Variants in STXBP5L observed in about 807,000 individuals in gnomAD.
STXBP5L encodes the protein syntaxin binding protein 5L.
STXBP5L carries 65 observed loss-of-function variants against 144.5 expected under a neutral mutation model. The ratio of observed to expected loss-of-function variants is 0.45; its 90% confidence interval spans 0.37 to 0.55. STXBP5L has a LOEUF of 0.55. Ranked by LOEUF, STXBP5L falls within the 20% of genes least tolerant of loss-of-function variation. The pLI is 0.00. For synonymous variants in STXBP5L, 505 were observed against 469.6 expected, an observed-to-expected ratio of 1.08 and a Z score of -0.97; for missense variants, 1,298 against 1,405.5, an observed-to-expected ratio of 0.92 and a Z score of 1.22.
At chr3:121,003,707 T>C (rs1943990902) in intron 3 of STXBP5L, among the ~76,000 whole-genome samples, 1 of 152,224 alleles carries the variant, frequency 6.6e-6, no homozygotes, top group African/African-American at 2.4e-5. Context: ...GAGTCTTTAA[T>C]CCATCTTGAA....
intron 10 of STXBP5L, among the ~76,000 whole-genome samples, chr3:121,210,981 GC>G (rs1042264854): frequency 6.6e-6 from 1 of 152,154 alleles, no homozygotes; most frequent in African/African-American, 2.4e-5. Context: ...GTCATTGGTA[GC>G]TTGATGGGGA....
chr3:121,356,460 A>G (rs1358969920), intron 20 of STXBP5L, among the ~76,000 whole-genome samples: 1 of 152,260 alleles, frequency 6.6e-6, no homozygotes, highest in African/African-American at 2.4e-5. Context: ...CTGTGCTAGC[A>G]GTGAGCAAGG....
chr3:121,250,894 A>T, intron 15 of STXBP5L, 131 bp downstream of exon 15: 1 of 678,622 alleles, frequency 1.5e-6, no homozygotes, highest in Non-Finnish European at 2.5e-6. Context: ...GTGTTACAAA[A>T]ATCTATTACC....
chr3:121,348,994 T>G (rs1474400476), intron 20 of STXBP5L, among the ~76,000 whole-genome samples: 1 of 152,136 alleles, frequency 6.6e-6, no homozygotes, highest in African/African-American at 2.4e-5. Flanking sequence ...TCTTCCATTC[T>G]GTTAGCTTTT....
intron 19 of STXBP5L, among the ~76,000 whole-genome samples, chr3:121,315,900 G>A (rs991899906): frequency 7.3e-5 from 11 of 151,626 alleles, no homozygotes; most frequent in African/African-American, 2.2e-4. Flanking sequence ...TACTTGAGAG[G>A]CTGAGGCAGG....
intron 9 of STXBP5L, among the ~76,000 whole-genome samples, chr3:121,192,044 A>G (rs755559520): frequency 6.6e-6 from 1 of 152,150 alleles, no homozygotes; most frequent in Non-Finnish European, 1.5e-5. Flanking sequence ...ATGTATACAT[A>G]TGTAACAAAC....
chr3:121,294,249 C>T (rs2051560052), intron 19 of STXBP5L, among the ~76,000 whole-genome samples: 1 of 152,060 alleles, frequency 6.6e-6, no homozygotes, highest in Non-Finnish European at 1.5e-5. Context: ...AGGATAGATT[C>T]GGAAATCATT....
rs764992495 is a variant in STXBP5L, at chr3:121,257,340, G to A, written c.1832+7G>A. 4.4e-6 allele frequency: 7 copies of A among 1,585,010 alleles called. No homozygotes were observed. Among genetic ancestry groups the A allele is most frequent in the Non-Finnish European group, 6.0e-6 (7 of 1,166,200 alleles). ...ACAGTATTCCATGCCTCAAGTAAGA[G>A]TTTCTACCAAATTTTCAAACAATTT... On this transcript the variant is annotated splice_region_variant and intron_variant, in intron 17 of 26. Coordinates refer to ENST00000471454, the MANE Select transcript of STXBP5L (RefSeq NM_001308330.2).
rs879715916 is a variant in STXBP5L at position 121,314,378 on chromosome 3, G to A, written c.2111-4097G>A. ...AGGCCGAGGCTGGCGGATCACTCGC[G>A]GTTAGGAGCTGGAGACCAGCCCGGC... On this transcript the variant is annotated intron_variant, in intron 19 of 26. Coordinates refer to ENST00000471454, the MANE Select transcript of STXBP5L (RefSeq NM_001308330.2). 2.8e-4 allele frequency among the ~76,000 whole-genome samples: 37 copies of A among 133,948 alleles called. No individual in the cohort carries two copies. The East Asian group carries it at 5.2e-3, about 19-fold the overall frequency. 87.9% of individuals were successfully genotyped at this position (133,948 alleles called of 152,430 possible). A position where few individuals can be genotyped will look rare whatever the true frequency, so the allele number is the denominator to read the frequency against.
intron 22 of STXBP5L, among the ~76,000 whole-genome samples, chr3:121,389,919 G>GGATATCCTTGC (rs1334645045): frequency 6.6e-6 from 1 of 152,192 alleles, no homozygotes; most frequent in Non-Finnish European, 1.5e-5. Flanking sequence ...TTGCAGAGCT[G>GGATATCCTTGC]AGTTCAAGTC....
rs148434486 is a variant in STXBP5L, at chr3:120,977,169, T to A, written c.287+22132T>A. On this transcript the variant is annotated intron_variant, in intron 3 of 26. Coordinates refer to ENST00000471454, the MANE Select transcript of STXBP5L (RefSeq NM_001308330.2). ...GTGTTAAAGTCTCCCATTAATATTG[T>A]GTGGGAGTCTAAGTCTCTTTGTAGG... is the stretch of plus-strand genomic sequence containing the variant. Among the ~76,000 whole-genome samples the A allele has an allele frequency of 1.9e-4, 29 of 152,328 alleles. No homozygotes were observed. The East Asian group carries it at 5.6e-3, about 29-fold the overall frequency.
chr3:121,195,918 A>G (rs1168888291), intron 9 of STXBP5L, among the ~76,000 whole-genome samples: 1 of 152,172 alleles, frequency 6.6e-6, no homozygotes, highest in Non-Finnish European at 1.5e-5. Context: ...TTGCTCTGCA[A>G]ATGCTTTTTA....
At chr3:121,185,502 A>G (rs1401430347) in intron 9 of STXBP5L, among the ~76,000 whole-genome samples, 2 of 152,166 alleles carry the variant, frequency 1.3e-5, no homozygotes, top group Non-Finnish European at 2.9e-5. Flanking sequence ...ATCCAGTTTC[A>G]GCTTTCTACA....
In STXBP5L at chr3:121,004,824, A is replaced by G. The variant is rs1430679482; in HGVS notation, c.288-36876A>G. Among the ~76,000 whole-genome samples, 5 of 152,076 alleles carry G rather than the reference A, an allele frequency of 3.3e-5. No homozygotes were observed. In the East Asian group the frequency reaches 9.6e-4, roughly 29 times the overall value. On this transcript the variant is annotated intron_variant, in intron 3 of 26. Transcript: ENST00000471454. ...TTGAGATAATCATGTGGGTTTTGTC[A>G]TTGGTTTTATTTATATGCTGGATTA... is the stretch of plus-strand genomic sequence containing the variant.
intron 20 of STXBP5L, among the ~76,000 whole-genome samples, chr3:121,345,673 G>T (rs1203932016): frequency 6.6e-6 from 1 of 152,008 alleles, no homozygotes; most frequent in South Asian, 2.1e-4. Flanking sequence ...AGCATCTGTT[G>T]TTTCCTGACT....
At chr3:121,180,699 AC>A (rs2047107131) in intron 9 of STXBP5L, among the ~76,000 whole-genome samples, 1 of 152,074 alleles carries the variant, frequency 6.6e-6, no homozygotes, top group Admixed American at 6.5e-5. Context: ...ACATGGTGAA[AC>A]CCCGTCTCTA....
intron 15 of STXBP5L, among the ~76,000 whole-genome samples, chr3:121,251,008 A>G (rs532447676): frequency 2.0e-5 from 3 of 152,286 alleles, no homozygotes; most frequent in African/African-American, 4.8e-5. Flanking sequence ...CATTATATCT[A>G]CAAGAGGCAT....
chr3:121,037,426 T>C (rs1319004290), intron 3 of STXBP5L, among the ~76,000 whole-genome samples: 1 of 151,968 alleles, frequency 6.6e-6, no homozygotes, highest in East Asian at 1.9e-4. Flanking sequence ...TTTATTATCT[T>C]TTAAAGTTTT....
chr3:120,924,343 A>T (rs918751954), intron 2 of STXBP5L, among the ~76,000 whole-genome samples: 11 of 152,200 alleles, frequency 7.2e-5, no homozygotes, highest in African/African-American at 2.4e-4. Context: ...ACAGTTACTA[A>T]ATCTACAGGC....
Sources: allele counts gnomAD v4.1 joint callset (sites outside exome capture counted in the v4.1 genomes callset), GRCh38; gene constraint gnomAD v4.1.1; transcripts MANE v1.5; gene names NCBI Gene and HGNC (gene_info 2026-07-23, HGNC 2026-07-21).